Variants in NEGR1 observed in about 807,000 individuals in gnomAD.
The protein encoded by NEGR1 is IgLON family member 4.
A neutral mutation model predicts 40.9 loss-of-function variants in NEGR1; 10 were observed. That is an observed-to-expected ratio of 0.24 (90% CI 0.15 to 0.42). NEGR1 has a LOEUF of 0.42. NEGR1 is among the 10% of genes least tolerant of loss of function. The pLI is 1.00. For synonymous variants in NEGR1, 185 were observed against 166.8 expected (o/e 1.11, Z -0.84); for missense variants, 352 against 438.9 (o/e 0.80, Z 1.77).
chr1:71,779,566 CT>C (rs59637200), intron 2 of NEGR1, among the ~76,000 whole-genome samples: 125,692 of 149,910 alleles, frequency 0.84, 54,045 homozygotes, highest in East Asian at 1. Flanking sequence ...TAGATAAAAA[CT>C]TTTTTTTTTT....
chr1:72,160,152 G>A (rs894646562), intron 1 of NEGR1, among the ~76,000 whole-genome samples: 1 of 152,100 alleles, frequency 6.6e-6, no homozygotes, highest in African/African-American at 2.4e-5. Flanking sequence ...CAGCAGAACT[G>A]AGTGTGAAAC....
chr1:71,822,310 G>T (rs958304149), intron 2 of NEGR1, among the ~76,000 whole-genome samples: 1 of 151,890 alleles, frequency 6.6e-6, no homozygotes, highest in Non-Finnish European at 1.5e-5. Flanking sequence ...GAAGATCTAC[G>T]TATTATATGT....
At chr1:71,767,854 C>A (rs932471387) in intron 3 of NEGR1, among the ~76,000 whole-genome samples, 4 of 152,218 alleles carry the variant, frequency 2.6e-5, no homozygotes, top group Non-Finnish European at 5.9e-5. Context: ...CCCAGCAACT[C>A]CAGCTCCAGA....
intron 3 of NEGR1, among the ~76,000 whole-genome samples, chr1:71,756,860 C>A (rs1217489176): frequency 6.6e-6 from 1 of 150,822 alleles, no homozygotes; most frequent in Non-Finnish European, 1.5e-5. Context: ...AAAAAAAAAC[C>A]TGGCTAACAG....
intron 6 of NEGR1, among the ~76,000 whole-genome samples, chr1:71,481,254 C>T (rs899289930): frequency 2.6e-5 from 4 of 151,656 alleles, no homozygotes; most frequent in African/African-American, 9.7e-5. Flanking sequence ...ATAGTGGGTG[C>T]TCAATTGGTG....
chr1:71,726,772 T>C (rs538788648), intron 3 of NEGR1, among the ~76,000 whole-genome samples: 1 of 152,066 alleles, frequency 6.6e-6, no homozygotes, highest in Admixed American at 6.6e-5. Flanking sequence ...TAGGATGAAG[T>C]CCCCATCCCA....
At chr1:72,030,750 T>G (rs1319730015) in intron 1 of NEGR1, among the ~76,000 whole-genome samples, 1 of 152,180 alleles carries the variant, frequency 6.6e-6, no homozygotes, top group African/African-American at 2.4e-5. Flanking sequence ...ATTGAAATTT[T>G]CAAGTCATTA....
chr1:71,707,959 G>A (rs958920887), intron 3 of NEGR1, among the ~76,000 whole-genome samples: 1 of 152,132 alleles, frequency 6.6e-6, no homozygotes, highest in Non-Finnish European at 1.5e-5. Context: ...TGGGATGCCC[G>A]TAAAGCAGGA....
chr1:72,241,694 A>G (rs1165660505), intron 1 of NEGR1, among the ~76,000 whole-genome samples: 1 of 151,558 alleles, frequency 6.6e-6, no homozygotes, highest in Admixed American at 6.6e-5. Context: ...AAGTGCAGTG[A>G]TATTATATAT....
intron 1 of NEGR1, among the ~76,000 whole-genome samples, chr1:72,094,871 T>C (rs993109737): frequency 2.6e-5 from 4 of 152,178 alleles, no homozygotes; most frequent in Non-Finnish European, 5.9e-5. Context: ...TGTATACACC[T>C]TAAACATTCC....
chr1:71,939,164 C>T (rs1195248622), intron 1 of NEGR1, among the ~76,000 whole-genome samples: 1 of 152,100 alleles, frequency 6.6e-6, no homozygotes, highest in Non-Finnish European at 1.5e-5. Flanking sequence ...GCTATTTCTT[C>T]CCTGCAACTT....
At chr1:72,214,732 A>G (rs982433248) in intron 1 of NEGR1, among the ~76,000 whole-genome samples, 5 of 152,060 alleles carry the variant, frequency 3.3e-5, no homozygotes, top group African/African-American at 1.2e-4. Context: ...CAAACAGCAA[A>G]ACATTCCATG....
At chr1:71,942,452 AATCTATATATAT>A (rs1490174052) in intron 1 of NEGR1, among the ~76,000 whole-genome samples, 1 of 34,262 alleles carries the variant, frequency 2.9e-5, no homozygotes, top group African/African-American at 9.5e-5. Flanking sequence ...AAATTCTTTA[AATCTATATATAT>A]ATATATATAT....
At chr1:71,944,820 A>T (rs1051653572) in intron 1 of NEGR1, among the ~76,000 whole-genome samples, 1 of 152,188 alleles carries the variant, frequency 6.6e-6, no homozygotes, top group Non-Finnish European at 1.5e-5. Flanking sequence ...TGAATAAAAA[A>T]TGGTTACACA....
chr1:71,785,841 C>T (rs1216888456), intron 2 of NEGR1, among the ~76,000 whole-genome samples: 1 of 152,138 alleles, frequency 6.6e-6, no homozygotes, highest in African/African-American at 2.4e-5. Context: ...TATAATGTAA[C>T]ACCTGGCTCC....
intron 1 of NEGR1, among the ~76,000 whole-genome samples, chr1:72,072,150 A>G (rs2100511947): frequency 6.6e-6 from 1 of 152,280 alleles, no homozygotes; most frequent in South Asian, 2.1e-4. Flanking sequence ...CTTAGTTATA[A>G]GGATCCCTAA....
intron 3 of NEGR1, among the ~76,000 whole-genome samples, chr1:71,746,767 C>T (rs1006030276): frequency 3.4e-5 from 5 of 147,780 alleles, no homozygotes; most frequent in African/African-American, 1.0e-4. Flanking sequence ...CGTACACACA[C>T]ACACGCACAC....
At chr1:71,670,067 T>G (rs575375664) in intron 4 of NEGR1, among the ~76,000 whole-genome samples, 2 of 152,304 alleles carry the variant, frequency 1.3e-5, no homozygotes, top group East Asian at 3.9e-4. Context: ...CCTTCCTTTC[T>G]CCGTTACCAT....
chr1:71,756,873 A>G (rs1655761527), intron 3 of NEGR1, among the ~76,000 whole-genome samples: 1 of 152,076 alleles, frequency 6.6e-6, no homozygotes, highest in Admixed American at 6.5e-5. Context: ...GCTAACAGGA[A>G]AGGTGAAAAA....
Sources: gnomAD v4.1 joint callset for allele counts (sites outside exome capture counted in the v4.1 genomes callset) on GRCh38, gnomAD v4.1.1 for gene constraint, MANE v1.5 for transcripts, NCBI Gene and HGNC (gene_info 2026-07-23, HGNC 2026-07-21) for gene names.